SOX5: variants seen among roughly 807,000 people sequenced by gnomAD.
SOX5 encodes transcription factor SOX-5.
Under a neutral mutation model 92.0 loss-of-function variants are expected in SOX5, and 9 were observed. The observed-to-expected ratio is 0.10, with a 90% CI of 0.06 to 0.17. The LOEUF (loss-of-function observed/expected upper bound fraction) is 0.17, where lower values mean the gene tolerates loss of function less well. SOX5 is among the 10% of genes least tolerant of loss of function. SOX5 has a pLI of 1.00. For missense variants in SOX5, 642 were observed against 944.5 expected (o/e 0.68, Z 4.20); for synonymous variants, 344 against 336.3 (o/e 1.02, Z -0.25).
upstream of SOX5, among the ~76,000 whole-genome samples, chr12:23,951,460 C>T (rs191766515): frequency 8.4e-3 from 1,274 of 152,090 alleles, 10 homozygotes; most frequent in African/African-American, 0.028. Context: ...TTTCTGGAGA[C>T]AGGCAAACAG....
intron 3 of SOX5, among the ~76,000 whole-genome samples, chr12:24,260,232 C>A (rs542028167): frequency 2.6e-5 from 4 of 152,056 alleles, no homozygotes; most frequent in Non-Finnish European, 5.9e-5. Flanking sequence ...GATTCGCTGA[C>A]GAGGAGCATG....
intron 1 of SOX5, among the ~76,000 whole-genome samples, chr12:24,535,639 G>A (rs1038522360): frequency 1.3e-5 from 2 of 152,138 alleles, no homozygotes; most frequent in Non-Finnish European, 2.9e-5. Context: ...CATTATTTTT[G>A]TATTTACAGC....
chr12:24,129,144 G>T (rs188467497), intron 4 of SOX5, among the ~76,000 whole-genome samples: 2 of 152,222 alleles, frequency 1.3e-5, no homozygotes, highest in Admixed American at 6.5e-5. Context: ...TTAAAGCAAA[G>T]AATAATTTAG....
chr12:23,748,614 A>G (rs2094079053), intron 4 of SOX5, among the ~76,000 whole-genome samples: 1 of 152,144 alleles, frequency 6.6e-6, no homozygotes, highest in East Asian at 1.9e-4. Context: ...AGCTAAAAAT[A>G]AACTAATTAC....
At chr12:23,857,609 T>C (rs2096707246) in intron 2 of SOX5, among the ~76,000 whole-genome samples, 1 of 152,184 alleles carries the variant, frequency 6.6e-6, no homozygotes, top group Non-Finnish European at 1.5e-5. Context: ...TAGTTACTTC[T>C]ATAGGGACAA....
intron 4 of SOX5, among the ~76,000 whole-genome samples, chr12:24,091,256 T>C (rs902260063): frequency 6.6e-6 from 1 of 152,128 alleles, no homozygotes; most frequent in East Asian, 1.9e-4. Flanking sequence ...GAATAGAGGA[T>C]GAATGAAACA....
chr12:23,576,124 C>CTT (rs1355453190), intron 9 of SOX5, among the ~76,000 whole-genome samples: 1 of 152,078 alleles, frequency 6.6e-6, no homozygotes, highest in African/African-American at 2.4e-5. Context: ...AAAAGCTACT[C>CTT]TTTGTGCTAT....
intron 8 of SOX5, among the ~76,000 whole-genome samples, chr12:23,616,034 A>G (rs2076517045): frequency 1.3e-5 from 2 of 152,206 alleles, no homozygotes; most frequent in South Asian, 4.1e-4. Flanking sequence ...GTAATTTTTT[A>G]TTCTTTAATT....
intron 1 of SOX5, among the ~76,000 whole-genome samples, chr12:24,375,508 G>T (rs1200901337): frequency 1.3e-5 from 2 of 151,634 alleles, no homozygotes; most frequent in Non-Finnish European, 2.9e-5. Context: ...ACCGAGGCAG[G>T]TGGATCACCT....
intron 4 of SOX5, among the ~76,000 whole-genome samples, chr12:24,118,552 G>A (rs989779770): frequency 1.3e-5 from 2 of 151,772 alleles, no homozygotes; most frequent in African/African-American, 2.4e-5. Context: ...CAATAGATGA[G>A]ATTACTTGAC....
At chr12:23,720,440 A>T (rs1402456468) in intron 6 of SOX5, among the ~76,000 whole-genome samples, 1 of 152,200 alleles carries the variant, frequency 6.6e-6, no homozygotes, top group African/African-American at 2.4e-5. Flanking sequence ...AGTCTCAACT[A>T]CCTTTTGTCA....
chr12:24,396,561 A>G (rs375927231), intron 1 of SOX5, among the ~76,000 whole-genome samples: 17 of 151,892 alleles, frequency 1.1e-4, no homozygotes, highest in East Asian at 9.7e-4. Context: ...AGCTCGCGCT[A>G]GCTCCTGCCA....
At chr12:23,813,782 T>C (rs547231900) in intron 3 of SOX5, among the ~76,000 whole-genome samples, 10 of 152,284 alleles carry the variant, frequency 6.6e-5, no homozygotes, top group African/African-American at 2.4e-4. Flanking sequence ...TTAAAACAGT[T>C]AGTAAAATAA....
At chr12:24,329,758 C>T (rs1951086372) in intron 2 of SOX5, among the ~76,000 whole-genome samples, 1 of 152,164 alleles carries the variant, frequency 6.6e-6, no homozygotes, top group South Asian at 2.1e-4. Context: ...CATGGTGGCT[C>T]ACACCTGTAA....
intron 4 of SOX5, among the ~76,000 whole-genome samples, chr12:24,117,604 G>A (rs943072075): frequency 2.0e-5 from 3 of 152,122 alleles, no homozygotes; most frequent in African/African-American, 7.2e-5. Context: ...AAGAAAATAT[G>A]GGATTATACA....
intron 1 of SOX5, among the ~76,000 whole-genome samples, chr12:24,373,959 A>G (rs1379815331): frequency 6.6e-6 from 1 of 152,228 alleles, no homozygotes; most frequent in Non-Finnish European, 1.5e-5. Flanking sequence ...AATCTTAGAT[A>G]ACAAACTCGA....
At chr12:24,197,432 T>C (rs911722510) in intron 4 of SOX5, among the ~76,000 whole-genome samples, 1 of 152,188 alleles carries the variant, frequency 6.6e-6, no homozygotes, top group African/African-American at 2.4e-5. Flanking sequence ...CCTATTTTTA[T>C]ACTAAGACTG....
rs1031565049 is a variant in SOX5 at position 23,960,125 on chromosome 12, G to A, written c.-1-64101C>T. On this transcript the variant is annotated intron_variant, in intron 4 of 4. Coordinates refer to the SOX5 transcript ENST00000446891. ...CACCACCCTGGGTCCTAGAAGAAAA[G>A]AATTGGAGAGAAACGGACCCCAGCC... Among the ~76,000 whole-genome samples, 3 of 152,090 alleles carry A rather than the reference G, an allele frequency of 2.0e-5. No homozygotes were observed. The East Asian group carries it at 5.8e-4, about 29-fold the overall frequency.
At chr12:23,883,180 C>T (rs1215482418) in intron 2 of SOX5, among the ~76,000 whole-genome samples, 2 of 136,960 alleles carry the variant, frequency 1.5e-5, no homozygotes, top group Non-Finnish European at 3.2e-5. Flanking sequence ...GACTCCATCT[C>T]AAAAAAAAAA....
Sources: gnomAD v4.1 joint callset for allele counts (sites outside exome capture counted in the v4.1 genomes callset) on GRCh38, gnomAD v4.1.1 for gene constraint, MANE v1.5 for transcripts, NCBI Gene and HGNC (gene_info 2026-07-23, HGNC 2026-07-21) for gene names.